The following PLEKHH2 variants were observed in gnomAD, a reference collection of about 807,000 sequenced individuals.
The protein encoded by PLEKHH2 is pleckstrin homology, MyTH4 and FERM domain containing H2, also known as pleckstrin homology domain-containing family H member 2.
PLEKHH2 carries 129 observed loss-of-function variants against 187.9 expected under a neutral mutation model. The ratio of observed to expected loss-of-function variants is 0.69; its 90% CI spans 0.59 to 0.79. The LOEUF (loss-of-function observed/expected upper bound fraction) is 0.79, where lower values mean the gene tolerates loss of function less well. PLEKHH2 is among the 30% of genes least tolerant of loss of function. PLEKHH2 has a pLI of 0.00. For missense variants in PLEKHH2, 2,076 were observed against 1,751.2 expected (o/e 1.19, Z -3.31); for synonymous variants, 686 against 605.6 (o/e 1.13, Z -1.95).
intron 29 of PLEKHH2, among the ~76,000 whole-genome samples, 179 bp downstream of exon 29, chr2:43,764,544 T>A (rs1191042988): frequency 9.9e-5 from 15 of 152,202 alleles, no homozygotes; most frequent in Admixed American, 8.5e-4. Context: ...CCAACTTACA[T>A]CATCTTTCCA....
At chr2:43,747,607 T>A (rs1671835056) in intron 24 of PLEKHH2, among the ~76,000 whole-genome samples, 1 of 152,240 alleles carries the variant, frequency 6.6e-6, no homozygotes, top group Non-Finnish European at 1.5e-5. Flanking sequence ...TCTTTTTAAA[T>A]ATTTTCATTT....
Position 43,697,296 on chromosome 2 carries a change from G to C in PLEKHH2, c.628G>C (p.Glu210Gln). Residue 210 changes from glutamate (E) to glutamine (Q), a missense_variant, in exon 7 of 30, where the codon GAG becomes CAG. Coordinates refer to ENST00000282406, the MANE Select transcript of PLEKHH2 (RefSeq NM_172069.4). ...ARSPPQVVKS[E>Q]EMSKISSKEP... ...GAGTCCTCCTCAAGTAGTAAAATCT[G>C]AGGAAATGAGCAAGATATCATCGAA... 6.2e-7 allele frequency: 1 copy of C among 1,613,958 alleles called. No individual in the cohort carries two copies. The highest frequency in any genetic ancestry group is 8.5e-7 in the Non-Finnish European group (1 of 1,179,874).
intron 15 of PLEKHH2, among the ~76,000 whole-genome samples, chr2:43,712,651 G>A (rs1670023357): frequency 6.6e-6 from 1 of 152,064 alleles, no homozygotes; most frequent in Non-Finnish European, 1.5e-5. Context: ...ACTTTGAAGA[G>A]GTATTTGAAA....
chr2:43,645,803 G>T (rs1279748233), intron 2 of PLEKHH2, among the ~76,000 whole-genome samples: 1 of 152,050 alleles, frequency 6.6e-6, no homozygotes, highest in Non-Finnish European at 1.5e-5. Context: ...CTGGATGAAT[G>T]GATGAATGAT....
intron 19 of PLEKHH2, among the ~76,000 whole-genome samples, 182 bp from the exon 20 acceptor site, chr2:43,738,159 G>A (rs75832441): frequency 0.017 from 2,561 of 152,202 alleles, 53 homozygotes; most frequent in African/African-American, 0.041. Context: ...TCCTTGCTCT[G>A]AAATCTGCTT....
At chr2:43,676,039 C>G (rs1667756720) in intron 2 of PLEKHH2, 1 of 1,613,896 alleles carries the variant, frequency 6.2e-7, no homozygotes, top group Admixed American at 1.7e-5. Context: ...TGCTTTGTCA[C>G]AGTGTTTGGT....
Position 43,758,947 on chromosome 2 carries a change from A to G in PLEKHH2, c.3989A>G (p.His1330Arg), listed in dbSNP as rs763772314. The G allele has an allele frequency of 1.2e-6, 2 of 1,606,862 alleles. No homozygotes were observed. Among genetic ancestry groups the G allele is most frequent in the South Asian group, 2.2e-5 (2 of 90,608 alleles). The change falls in exon 27 of 30, where the codon CAC becomes CGC. Residue 1330 changes from histidine to arginine, a missense_variant. By Grantham distance (29) the His-to-Arg change is conservative. Coordinates refer to ENST00000282406, the MANE Select transcript of PLEKHH2 (RefSeq NM_172069.4). ...ACCAGATGGATGGCCCTCCGGGGAC[A>G]CAGTGCTGCTGACTGTGTGCGCATT... The part of the protein sequence containing the change: ...LSTRWMALRG[H>R]SAADCVRIYL...
At chr2:43,669,633 T>G (rs1013447379) in intron 2 of PLEKHH2, among the ~76,000 whole-genome samples, 1 of 151,740 alleles carries the variant, frequency 6.6e-6, no homozygotes, top group Admixed American at 6.6e-5. Context: ...AAACTAAGAC[T>G]AAAGCAGAAG....
chr2:43,718,126 A>G (rs1481565616), intron 15 of PLEKHH2, among the ~76,000 whole-genome samples: 1 of 152,224 alleles, frequency 6.6e-6, no homozygotes, highest in East Asian at 1.9e-4. Flanking sequence ...TCATGGAAGC[A>G]TGGTAAAAAA....
chr2:43,748,883 G>T (rs1420844549), intron 24 of PLEKHH2, among the ~76,000 whole-genome samples: 1 of 151,958 alleles, frequency 6.6e-6, no homozygotes. Flanking sequence ...CAGCCTCCCA[G>T]ATAGCTGGGA....
chr2:43,674,602 C>G (rs1667638371), intron 2 of PLEKHH2, among the ~76,000 whole-genome samples: 2 of 152,172 alleles, frequency 1.3e-5, no homozygotes, highest in African/African-American at 2.4e-5. Context: ...ATATGAGGTA[C>G]TGAGAATGTA....
Position 43,700,536 on chromosome 2 carries a change from A to G in PLEKHH2, c.1578A>G (p.Glu526=). 2 of 1,613,862 alleles carry G rather than the reference A, an allele frequency of 1.2e-6. No individual in the cohort carries two copies. The highest frequency in any genetic ancestry group is 2.2e-5 in the East Asian group (1 of 44,888). ...ACTCTCCAAATTCAGATGACCAGGA[A>G]CACTGTGACTCAGCAAAGAAGGTGG... ...SLDSPNSDDQ[E]HCDSAKKVAY... is the part of the protein sequence containing the mutation. The change falls in exon 8 of 30, where the codon GAA becomes GAG. Residue 526 remains glutamate (E), a synonymous_variant. Transcript: ENST00000282406.
At chr2:43,722,122 G>T (rs1281604579) in intron 16 of PLEKHH2, among the ~76,000 whole-genome samples, 3 of 151,352 alleles carry the variant, frequency 2.0e-5, no homozygotes, top group Admixed American at 1.3e-4. Context: ...CAGGCATGGT[G>T]ATGCATGCTT....
intron 16 of PLEKHH2, among the ~76,000 whole-genome samples, chr2:43,724,586 A>T (rs1029295782): frequency 6.6e-6 from 1 of 152,224 alleles, no homozygotes; most frequent in African/African-American, 2.4e-5. Flanking sequence ...TACCCTTAAG[A>T]TGGAGAAATT....
chr2:43,741,162 G>T (rs1671545040), intron 21 of PLEKHH2, 119 bp downstream of exon 21: 10 of 839,342 alleles, frequency 1.2e-5, no homozygotes, highest in South Asian at 2.7e-5. Flanking sequence ...ACAAATATTG[G>T]TACAGGAAGC....
intron 2 of PLEKHH2, among the ~76,000 whole-genome samples, chr2:43,652,398 G>T (rs1403011960): frequency 6.6e-6 from 1 of 152,106 alleles, no homozygotes; most frequent in Non-Finnish European, 1.5e-5. Flanking sequence ...CTTATTCTAG[G>T]CTATGCTATC....
Position 43,762,345 on chromosome 2 carries a change from G to C in PLEKHH2, c.4113G>C (p.Leu1371=). The part of the protein sequence containing the change: ...PSSLGSTFLW[L]AVHEDGLSLL... ...CACTTGGAAGTACTTTCTTGTGGCT[G>C]GCTGTACATGAGGATGGTTTAAGCC... The change falls in exon 28 of 30, where the codon CTG becomes CTC. Residue 1371 remains leucine (L), a synonymous_variant. Transcript: ENST00000282406. 6.2e-7 allele frequency: 1 copy of C among 1,613,324 alleles called. No individual in the cohort carries two copies. The highest frequency in any genetic ancestry group is 8.5e-7 in the Non-Finnish European group (1 of 1,179,418).
intron 19 of PLEKHH2, among the ~76,000 whole-genome samples, chr2:43,736,339 G>C (rs548380846): frequency 1.8e-4 from 27 of 152,312 alleles, no homozygotes; most frequent in African/African-American, 6.0e-4. Context: ...TGCCCTGCCA[G>C]TGGTTTTCAG....
In PLEKHH2 at chr2:43,740,946, G is replaced by A. The variant is rs149350583; in HGVS notation, c.3124G>A (p.Gly1042Ser). Residue 1042 changes from glycine (G) to serine (S), a missense_variant and splice_region_variant, in exon 21 of 30, where the codon GGC becomes AGC. Gly to Ser is a moderately conservative substitution (Grantham distance 56). Transcript: ENST00000282406. ...QPQNQPGPLQ[G>S]WQLLALCVGL... Reference sequence around the variant, plus strand: ...ACCTGTGGTGCTTCTCCCTGCCCAGGGCTGGCAGCTCTTGGCACTCTGCGT... The same window carrying A: ...ACCTGTGGTGCTTCTCCCTGCCCAGAGCTGGCAGCTCTTGGCACTCTGCGT... The A allele has an allele frequency of 1.2e-6, 2 of 1,613,478 alleles. No homozygotes were observed. The highest frequency in any genetic ancestry group is 1.7e-6 in the Non-Finnish European group (2 of 1,179,686).
Sources: gnomAD v4.1 joint callset for allele counts (sites outside exome capture counted in the v4.1 genomes callset) on GRCh38, gnomAD v4.1.1 for gene constraint, MANE v1.5 for transcripts, NCBI Gene and HGNC (gene_info 2026-07-23, HGNC 2026-07-21) for gene names.